The following PTPRD variants were observed in gnomAD, a reference collection of about 807,000 sequenced individuals.
PTPRD encodes the protein protein tyrosine phosphatase receptor type D.
PTPRD carries 34 observed loss-of-function variants against 214.5 expected under a neutral mutation model. That is an observed-to-expected ratio of 0.16 (90% CI 0.12 to 0.21). The LOEUF (loss-of-function observed/expected upper bound fraction) is 0.21. Ranked by LOEUF, PTPRD falls within the 10% of genes least tolerant of loss-of-function variation. PTPRD has a pLI of 1.00. For synonymous variants in PTPRD, 1,128 were observed against 845.7 expected (o/e 1.33, Z -5.79); for missense variants, 2,545 against 2,398.7 (o/e 1.06, Z -1.27).
At chr9:10,396,425 G>C (rs1037366340) in intron 2 of PTPRD, among the ~76,000 whole-genome samples, 1 of 151,804 alleles carries the variant, frequency 6.6e-6, no homozygotes, top group Non-Finnish European at 1.5e-5. Flanking sequence ...TGTTGGGAAG[G>C]GTTGTAAAAT....
intron 44 of PTPRD, among the ~76,000 whole-genome samples, chr9:8,324,523 C>A (rs528873137): frequency 1.3e-4 from 20 of 152,130 alleles, no homozygotes; most frequent in Non-Finnish European, 2.4e-4. Flanking sequence ...GGGTTGCTTA[C>A]AAGTCTTTGC....
rs777106136 is a variant in PTPRD, at chr9:8,907,534, ATAT to A, written c.-104+111160_-104+111162del. On this transcript the variant is annotated intron_variant, in intron 11 of 45. Coordinates refer to ENST00000381196, the MANE Select transcript of PTPRD (RefSeq NM_002839.4). ...CTCCGTCTCAAAAAAAAAAAAAAAA[ATAT>A]ATATATATATATATATAAAGAAGAA... is the stretch of plus-strand genomic sequence containing the variant. 4.2e-3 allele frequency among the ~76,000 whole-genome samples: 441 copies of A among 104,586 alleles called. 2 individuals are homozygous for A. Among genetic ancestry groups the A allele is most frequent in the African/African-American group, 4.7e-3 (117 of 24,980 alleles). The allele number at this position is 104,586 out of a possible 152,430, so 68.6% of individuals were successfully genotyped here.
chr9:8,609,529 T>A (rs974629102), intron 14 of PTPRD, among the ~76,000 whole-genome samples: 5 of 152,204 alleles, frequency 3.3e-5, no homozygotes, highest in African/African-American at 9.6e-5. Context: ...TGGATGTGCA[T>A]TCCACGGAAG....
At chr9:9,281,506 C>G (rs1947687683) in intron 9 of PTPRD, among the ~76,000 whole-genome samples, 1 of 151,232 alleles carries the variant, frequency 6.6e-6, no homozygotes, top group Non-Finnish European at 1.5e-5. Flanking sequence ...CTTTTAACAT[C>G]ATAGGTCCTT....
At position 9,472,189 on chromosome 9, in the gene PTPRD, C is replaced by CTTT. The variant is rs1220396472; in HGVS notation, c.-236-74710_-236-74708dup. On this transcript the variant is annotated intron_variant, in intron 8 of 45. Coordinates refer to ENST00000381196, the MANE Select transcript of PTPRD (RefSeq NM_002839.4). ...CATGATAATCTACCCCTACTCCAAT[C>CTTT]TTTTTTTTTTTTTTTTTCTTTTTTT... Among the ~76,000 whole-genome samples the CTTT allele has an allele frequency of 3.7e-3, 308 of 82,788 alleles. 25 individuals are homozygous for CTTT. The highest frequency in any genetic ancestry group is 9.7e-3 in the African/African-American group (230 of 23,704). The allele number at this position is 82,788 out of a possible 152,430, so 54.3% of individuals were successfully genotyped here.
chr9:8,390,280 C>T (rs1193010917), intron 36 of PTPRD, among the ~76,000 whole-genome samples: 1 of 152,160 alleles, frequency 6.6e-6, no homozygotes, highest in African/African-American at 2.4e-5. Flanking sequence ...GCTTACAAAG[C>T]TCTGCAACTT....
At chr9:9,100,357 G>C (rs1003757323) in intron 10 of PTPRD, among the ~76,000 whole-genome samples, 3 of 152,154 alleles carry the variant, frequency 2.0e-5, no homozygotes, top group Non-Finnish European at 4.4e-5. Context: ...GATGTCCTAA[G>C]ATATACTGAT....
At chr9:8,544,467 C>CTT (rs34002040) in intron 14 of PTPRD, among the ~76,000 whole-genome samples, 114 of 116,192 alleles carry the variant, frequency 9.8e-4, no homozygotes, top group African/African-American at 2.1e-3. Context: ...AAAAAAATAA[C>CTT]TTTTTTTTTT....
intron 39 of PTPRD, among the ~76,000 whole-genome samples, chr9:8,367,413 G>A (rs1023517484): frequency 2.0e-5 from 3 of 152,122 alleles, no homozygotes; most frequent in Non-Finnish European, 2.9e-5. Flanking sequence ...GAAGGGAGGT[G>A]AGGGTGGTGA....
At chr9:8,928,523 C>T (rs1456367534) in intron 11 of PTPRD, among the ~76,000 whole-genome samples, 1 of 151,554 alleles carries the variant, frequency 6.6e-6, no homozygotes, top group Non-Finnish European at 1.5e-5. Context: ...AGATGTGTGG[C>T]ATTATTTCTG....
chr9:8,489,216 C>G (rs958894720), intron 27 of PTPRD, among the ~76,000 whole-genome samples: 1 of 152,136 alleles, frequency 6.6e-6, no homozygotes, highest in Non-Finnish European at 1.5e-5. Flanking sequence ...TACATTTACT[C>G]TTCTGTGGGA....
chr9:9,714,884 T>C (rs1297375679), intron 7 of PTPRD, among the ~76,000 whole-genome samples: 1 of 152,172 alleles, frequency 6.6e-6, no homozygotes, highest in South Asian at 2.1e-4. Flanking sequence ...GGAGATGTTG[T>C]GGTAAATAGG....
At chr9:9,349,782 T>A (rs1266281480) in intron 9 of PTPRD, among the ~76,000 whole-genome samples, 2 of 151,936 alleles carry the variant, frequency 1.3e-5, no homozygotes, top group Non-Finnish European at 2.9e-5. Context: ...TATAAATAAT[T>A]GTAAATATGT....
At chr9:8,514,308 T>G (rs904947408) in intron 21 of PTPRD, among the ~76,000 whole-genome samples, 5 of 152,198 alleles carry the variant, frequency 3.3e-5, no homozygotes, top group African/African-American at 1.2e-4. Flanking sequence ...ACATTTTGGT[T>G]GGATTAGGTT....
chr9:10,568,013 C>G (rs534007575), intron 2 of PTPRD, among the ~76,000 whole-genome samples: 1 of 151,144 alleles, frequency 6.6e-6, no homozygotes, highest in East Asian at 2.0e-4. Flanking sequence ...ACTTGCACAA[C>G]GTGCAGGTTT....
At chr9:8,876,681 A>C (rs1370644755) in intron 11 of PTPRD, among the ~76,000 whole-genome samples, 1 of 152,216 alleles carries the variant, frequency 6.6e-6, no homozygotes, top group African/African-American at 2.4e-5. Flanking sequence ...TTGCAAAATA[A>C]CTCAGAACAT....
chr9:9,198,091 G>A (rs908120561), intron 9 of PTPRD, among the ~76,000 whole-genome samples: 1 of 152,082 alleles, frequency 6.6e-6, no homozygotes, highest in East Asian at 1.9e-4. Context: ...GTGCATTTAG[G>A]TTTACTTATA....
intron 37 of PTPRD, among the ~76,000 whole-genome samples, chr9:8,385,269 G>T (rs1187020513): frequency 6.6e-6 from 1 of 152,176 alleles, no homozygotes; most frequent in African/African-American, 2.4e-5. Context: ...GCTCAAGCCT[G>T]CAGTCCAAAC....
At chr9:10,545,632 A>G (rs1316945291) in intron 2 of PTPRD, among the ~76,000 whole-genome samples, 1 of 152,172 alleles carries the variant, frequency 6.6e-6, no homozygotes, top group Non-Finnish European at 1.5e-5. Flanking sequence ...CATATAGACC[A>G]AGAGAAACTT....
Sources: allele counts gnomAD v4.1 joint callset (sites outside exome capture counted in the v4.1 genomes callset), GRCh38; gene constraint gnomAD v4.1.1; transcripts MANE v1.5; gene names NCBI Gene and HGNC (gene_info 2026-07-23, HGNC 2026-07-21).